Variants in CCDC91 observed in about 807,000 individuals in gnomAD.
CCDC91 encodes coiled-coil domain containing 91, also known as coiled-coil domain-containing protein 91.
In CCDC91, 48 loss-of-function variants were observed where a neutral mutation model predicts 63.2. The ratio of observed to expected loss-of-function variants is 0.76; its 90% CI spans 0.60 to 0.97. The LOEUF is 0.97. CCDC91 is among the 50% of genes least tolerant of loss of function. The pLI, the probability that CCDC91 is intolerant of heterozygous loss-of-function variation, is 0.00. For missense variants in CCDC91, 500 were observed against 494.6 expected, an observed-to-expected ratio of 1.01 and a Z score of -0.10; for synonymous variants, 167 against 165.8, an observed-to-expected ratio of 1.01 and a Z score of -0.06.
chr12:28,489,139 G>A (rs1226869567), intron 12 of CCDC91, among the ~76,000 whole-genome samples: 1 of 151,840 alleles, frequency 6.6e-6, no homozygotes, highest in Non-Finnish European at 1.5e-5. Context: ...AAATTATCTT[G>A]CGGGGAAAGT....
intron 1 of CCDC91, among the ~76,000 whole-genome samples, chr12:28,194,265 C>G (rs114125039): frequency 0.019 from 2,854 of 151,962 alleles, 91 homozygotes; most frequent in African/African-American, 0.064. Flanking sequence ...CTTTCTCTCT[C>G]TGTGTGTGTG....
intron 1 of CCDC91, among the ~76,000 whole-genome samples, chr12:28,232,852 A>G (rs1473211173): frequency 1.3e-5 from 2 of 151,856 alleles, no homozygotes. Context: ...GTGTTGGTGC[A>G]TGCCTGTAAT....
In CCDC91 at chr12:28,495,236, C is replaced by T. The variant is rs191506460; in HGVS notation, c.1215+11071C>T. On this transcript the variant is annotated intron_variant, in intron 12 of 12. Transcript: ENST00000536442. Reference sequence around the variant, plus strand: ...GCAATCTCCTCTTCACTCAAAAAACCGTGGGCATGTGAATTGACTCAGGAC... The same window carrying T: ...GCAATCTCCTCTTCACTCAAAAAACTGTGGGCATGTGAATTGACTCAGGAC... Among the ~76,000 whole-genome samples the T allele has an allele frequency of 2.0e-3, 307 of 151,788 alleles. 1 individual carries two copies. The highest frequency in any genetic ancestry group is 3.4e-3 in the Non-Finnish European group (231 of 67,796).
intron 12 of CCDC91, among the ~76,000 whole-genome samples, chr12:28,540,945 G>T (rs1342222915): frequency 6.6e-6 from 1 of 152,110 alleles, no homozygotes; most frequent in Non-Finnish European, 1.5e-5. Flanking sequence ...AACAGCTACT[G>T]AGTGGGTTTG....
At chr12:28,465,624 C>G (rs1419730933) in intron 11 of CCDC91, among the ~76,000 whole-genome samples, 1 of 152,144 alleles carries the variant, frequency 6.6e-6, no homozygotes, top group Non-Finnish European at 1.5e-5. Context: ...GTAAGGGTCT[C>G]CGCTAAAGAA....
chr12:28,546,125 C>T (rs1593019671), intron 12 of CCDC91, among the ~76,000 whole-genome samples: 1 of 152,108 alleles, frequency 6.6e-6, no homozygotes, highest in South Asian at 2.1e-4. Flanking sequence ...TCTCATCCTG[C>T]CAGATTCATC....
chr12:28,191,273 C>A (rs890890285), intron 1 of CCDC91: 1 of 152,226 alleles, frequency 6.6e-6, no homozygotes, highest in African/African-American at 2.4e-5. Flanking sequence ...GGACATGAAA[C>A]CTATTTTTGG....
chr12:28,503,901 C>A (rs1484066881), intron 12 of CCDC91, among the ~76,000 whole-genome samples: 2 of 151,062 alleles, frequency 1.3e-5, no homozygotes, highest in Non-Finnish European at 1.5e-5. Flanking sequence ...CACATGGACA[C>A]AGGAAGAGGA....
intron 8 of CCDC91, among the ~76,000 whole-genome samples, chr12:28,427,081 A>G (rs1440767003): frequency 6.6e-6 from 1 of 152,054 alleles, no homozygotes; most frequent in Admixed American, 6.5e-5. Flanking sequence ...TCTTTCAGCT[A>G]TTATTTATTG....
chr12:28,329,716 A>G (rs1191062352), intron 6 of CCDC91, among the ~76,000 whole-genome samples: 2 of 152,226 alleles, frequency 1.3e-5, no homozygotes, highest in East Asian at 3.9e-4. Flanking sequence ...TGCTGCACCC[A>G]TTAACTCGTC....
chr12:28,502,539 A>G (rs967847871), intron 12 of CCDC91, among the ~76,000 whole-genome samples: 7 of 150,324 alleles, frequency 4.7e-5, no homozygotes, highest in Non-Finnish European at 9.0e-5. Context: ...TGCCATCCCC[A>G]TCAAGCTACC....
At chr12:28,300,588 G>T (rs1383531953) in intron 3 of CCDC91, among the ~76,000 whole-genome samples, 1 of 151,328 alleles carries the variant, frequency 6.6e-6, no homozygotes, top group Non-Finnish European at 1.5e-5. Context: ...CTCTTTTAGG[G>T]TTGTTCTGTT....
chr12:28,526,498 A>G (rs187714315), intron 12 of CCDC91, among the ~76,000 whole-genome samples: 2 of 152,130 alleles, frequency 1.3e-5, no homozygotes, highest in African/African-American at 4.8e-5. Context: ...GTTTTCCTTT[A>G]TAGGTTACCT....
intron 8 of CCDC91, among the ~76,000 whole-genome samples, chr12:28,442,881 G>A (rs1165082853): frequency 6.6e-6 from 1 of 152,064 alleles, no homozygotes; most frequent in Non-Finnish European, 1.5e-5. Context: ...AAGAGAATAA[G>A]TGCCTAACTT....
At chr12:28,527,483 G>A (rs564495109) in intron 12 of CCDC91, among the ~76,000 whole-genome samples, 8 of 152,316 alleles carry the variant, frequency 5.3e-5, no homozygotes, top group African/African-American at 1.4e-4. Context: ...CCATGGATAC[G>A]AGCACCTGCT....
At chr12:28,336,204 A>C (rs1254833248) in intron 6 of CCDC91, among the ~76,000 whole-genome samples, 5 of 152,164 alleles carry the variant, frequency 3.3e-5, no homozygotes, top group African/African-American at 4.8e-5. Flanking sequence ...CCCAGAGTAG[A>C]ACTGGTTGGA....
At chr12:28,532,915 T>C (rs1941860031) in intron 12 of CCDC91, among the ~76,000 whole-genome samples, 1 of 152,142 alleles carries the variant, frequency 6.6e-6, no homozygotes, top group Non-Finnish European at 1.5e-5. Context: ...ATGGGTATCA[T>C]TGGCTATTGG....
rs1244127446 is a variant in CCDC91 at position 28,501,602 on chromosome 12, A to G, written c.1215+17437A>G. On this transcript the variant is annotated intron_variant, in intron 12 of 12. Coordinates refer to ENST00000536442, the MANE Select transcript of CCDC91 (RefSeq NM_018318.5). ...AGCTTTTTGATGTGCTGCTGGATTC[A>G]GTTTGCCAGTATTTTATTGAGGATT... 3.0e-4 allele frequency among the ~76,000 whole-genome samples: 45 copies of G among 150,744 alleles called. 1 individual carries two copies. The highest frequency in any genetic ancestry group is 3.4e-3 in the Middle Eastern group (1 of 294).
chr12:28,438,085 A>G (rs1252103769), intron 8 of CCDC91, among the ~76,000 whole-genome samples: 1 of 152,136 alleles, frequency 6.6e-6, no homozygotes, highest in Non-Finnish European at 1.5e-5. Flanking sequence ...TTGTTTCCTC[A>G]AAAGTACTAT....
Sources: allele counts gnomAD v4.1 joint callset (sites outside exome capture counted in the v4.1 genomes callset), GRCh38; gene constraint gnomAD v4.1.1; transcripts MANE v1.5; gene names NCBI Gene and HGNC (gene_info 2026-07-23, HGNC 2026-07-21).